Variants in RBMS3 observed in about 807,000 individuals in gnomAD.
RBMS3 encodes RNA binding motif single stranded interacting protein 3.
In RBMS3, 27 loss-of-function variants were observed where a neutral mutation model predicts 66.8. That is an observed-to-expected ratio of 0.40 (90% CI 0.30 to 0.56). The LOEUF (loss-of-function observed/expected upper bound fraction) is 0.56, where lower values mean the gene tolerates loss of function less well. RBMS3 is among the 20% of genes least tolerant of loss of function. The pLI, the probability that RBMS3 is intolerant of heterozygous loss-of-function variation, is 0.40. For synonymous variants in RBMS3, 188 were observed against 183.0 expected, an observed-to-expected ratio of 1.03 and a Z score of -0.22; for missense variants, 513 against 549.5, an observed-to-expected ratio of 0.93 and a Z score of 0.66.
chr3:29,476,848 C>T (rs115656032), intron 2 of RBMS3, among the ~76,000 whole-genome samples: 1 of 152,084 alleles, frequency 6.6e-6, no homozygotes. Context: ...TTAAATGAAG[C>T]ATGCATTCTT....
At chr3:29,536,107 G>T (rs752365586) in intron 3 of RBMS3, among the ~76,000 whole-genome samples, 33 of 152,056 alleles carry the variant, frequency 2.2e-4, no homozygotes, top group Admixed American at 1.4e-3. Context: ...TTAGCATGGT[G>T]GGTACTCTCA....
chr3:29,398,796 C>A (rs2039671782), intron 1 of RBMS3, among the ~76,000 whole-genome samples: 1 of 134,752 alleles, frequency 7.4e-6, no homozygotes, highest in Non-Finnish European at 1.6e-5. Context: ...AAGTGCGAAC[C>A]TCAACCAGTC....
chr3:29,696,302 T>C (rs560809594), intron 4 of RBMS3, among the ~76,000 whole-genome samples: 1 of 152,350 alleles, frequency 6.6e-6, no homozygotes, highest in East Asian at 1.9e-4. Context: ...ATACAGATTA[T>C]GGTGCCAATC....
At chr3:29,900,963 A>G (rs972733225) in intron 10 of RBMS3, among the ~76,000 whole-genome samples, 1 of 151,826 alleles carries the variant, frequency 6.6e-6, no homozygotes, top group African/African-American at 2.4e-5. Context: ...AGCAGGGTCC[A>G]TTTTATTTTT....
chr3:29,719,734 T>G (rs949108365), intron 4 of RBMS3, among the ~76,000 whole-genome samples: 1 of 152,166 alleles, frequency 6.6e-6, no homozygotes, highest in Non-Finnish European at 1.5e-5. Flanking sequence ...TCCTTGGACT[T>G]TCTTTTCTCA....
intron 6 of RBMS3, among the ~76,000 whole-genome samples, chr3:29,777,271 C>T (rs969122807): frequency 3.3e-5 from 5 of 151,918 alleles, no homozygotes; most frequent in Admixed American, 3.3e-4. Flanking sequence ...CATTTAACAA[C>T]TGTTGTATGC....
chr3:29,413,368 TCATTCATACATACATA>T (rs1403076668), intron 1 of RBMS3, among the ~76,000 whole-genome samples: 3 of 135,888 alleles, frequency 2.2e-5, no homozygotes, highest in East Asian at 4.3e-4. Flanking sequence ...AAACTCCATC[TCATTCATACATACATA>T]CATACATACA....
intron 1 of RBMS3, among the ~76,000 whole-genome samples, chr3:29,384,429 T>TAAGAAGAAGAAGAAGAAG (rs1336272827): frequency 6.4e-4 from 61 of 95,964 alleles, no homozygotes; most frequent in East Asian, 1.9e-3. Flanking sequence ...ATAATAATAA[T>TAAGAAGAAGAAGAAGAAG]AATAATAAGA....
At chr3:29,325,910 T>A (rs1559489810) in intron 1 of RBMS3, among the ~76,000 whole-genome samples, 1 of 152,150 alleles carries the variant, frequency 6.6e-6, no homozygotes. Context: ...TCTTCTCCTG[T>A]GCTATAGAAA....
intron 1 of RBMS3, among the ~76,000 whole-genome samples, chr3:29,402,843 T>A (rs2039869611): frequency 6.6e-6 from 1 of 151,904 alleles, no homozygotes; most frequent in East Asian, 1.9e-4. Flanking sequence ...AAAGAAGAAT[T>A]CAAATTGAGG....
At chr3:29,834,739 C>T (rs527625973) in intron 6 of RBMS3, among the ~76,000 whole-genome samples, 3 of 152,024 alleles carry the variant, frequency 2.0e-5, no homozygotes, top group African/African-American at 7.2e-5. Context: ...ATCTACAAAA[C>T]GGACAGAAAA....
intron 1 of RBMS3, among the ~76,000 whole-genome samples, chr3:29,346,945 T>C (rs2036611448): frequency 6.6e-6 from 1 of 152,228 alleles, no homozygotes; most frequent in African/African-American, 2.4e-5. Flanking sequence ...ATTGACCATA[T>C]GTTTCTAACT....
chr3:29,675,420 G>A (rs1297988832), intron 4 of RBMS3, among the ~76,000 whole-genome samples: 1 of 152,102 alleles, frequency 6.6e-6, no homozygotes. Flanking sequence ...AGCCAAAATA[G>A]ACAAATGGGA....
At chr3:29,675,769 C>G (rs2051221609) in intron 4 of RBMS3, among the ~76,000 whole-genome samples, 1 of 152,144 alleles carries the variant, frequency 6.6e-6, no homozygotes, top group South Asian at 2.1e-4. Context: ...ATTAAAAAGT[C>G]AGGAAACAAT....
At chr3:29,768,287 A>G (rs1408280514) in intron 6 of RBMS3, among the ~76,000 whole-genome samples, 1 of 151,936 alleles carries the variant, frequency 6.6e-6, no homozygotes, top group African/African-American at 2.4e-5. Flanking sequence ...TGTGAGTCCT[A>G]TGGAATTTGA....
At chr3:29,556,691 G>T (rs40611) in intron 3 of RBMS3, among the ~76,000 whole-genome samples, 82,343 of 151,958 alleles carry the variant, frequency 0.54, 23,045 homozygotes, top group Middle Eastern at 0.66. Context: ...ACAACTTTTA[G>T]GTCTTCTGTG....
chr3:29,591,468 A>G (rs980773709), intron 4 of RBMS3, among the ~76,000 whole-genome samples: 1 of 152,214 alleles, frequency 6.6e-6, no homozygotes, highest in Non-Finnish European at 1.5e-5. Flanking sequence ...TCAAATACAT[A>G]TCAAATCCTG....
intron 2 of RBMS3, among the ~76,000 whole-genome samples, chr3:29,453,773 T>C (rs2042087925): frequency 1.3e-5 from 2 of 152,154 alleles, no homozygotes; most frequent in Admixed American, 6.5e-5. Flanking sequence ...GAGGGCAGAA[T>C]CAATATGAGC....
chr3:29,639,657 G>T (rs550949070), intron 4 of RBMS3, among the ~76,000 whole-genome samples: 6 of 150,886 alleles, frequency 4.0e-5, no homozygotes, highest in Admixed American at 4.0e-4. Flanking sequence ...TAAATAAAAA[G>T]TGTCACTGTA....
Sources: gnomAD v4.1 joint callset for allele counts (sites outside exome capture counted in the v4.1 genomes callset) on GRCh38, gnomAD v4.1.1 for gene constraint, MANE v1.5 for transcripts, NCBI Gene and HGNC (gene_info 2026-07-23, HGNC 2026-07-21) for gene names.